The following KYAT1 variants were observed in gnomAD, a reference collection of about 807,000 sequenced individuals.
The protein encoded by KYAT1 is kynurenine--oxoglutarate transaminase 1.
A neutral mutation model predicts 52.4 loss-of-function variants in KYAT1; 47 were observed. That is an observed-to-expected ratio of 0.90 (90% CI 0.71 to 1.14). The LOEUF (loss-of-function observed/expected upper bound fraction) is 1.14, where lower values mean the gene tolerates loss of function less well. KYAT1 is among the 50% of genes most tolerant of loss of function. The pLI, the probability that KYAT1 is intolerant of heterozygous loss-of-function variation, is 0.00. For synonymous variants in KYAT1, 212 were observed against 209.6 expected, an observed-to-expected ratio of 1.01 and a Z score of -0.10; for missense variants, 480 against 557.9, an observed-to-expected ratio of 0.86 and a Z score of 1.41.
In KYAT1 at chr9:128,833,946, C is replaced by G. The variant is rs564296926; in HGVS notation, c.1123-120G>C. 1.4e-4 allele frequency: 97 copies of G among 709,258 alleles called. 1 individual carries two copies. In the South Asian group the frequency reaches 1.5e-3, roughly 11 times the overall value. 43.9% of individuals were successfully genotyped at this position (709,258 alleles called of 1,614,324 possible). A position where few individuals can be genotyped will look rare whatever the true frequency, so the allele number is the denominator to read the frequency against. On this transcript the variant is annotated intron_variant, in intron 11 of 12. Transcript: ENST00000302586. ...AAGGAGAGTTAGCTCCAATCCAGCA[C>G]CTAGAGCTGCATCAAAGTCAGAGGA...
At chr9:128,864,522 C>G (rs987057935) in intron 1 of KYAT1, among the ~76,000 whole-genome samples, 1 of 152,068 alleles carries the variant, frequency 6.6e-6, no homozygotes, top group Admixed American at 6.6e-5. Flanking sequence ...ACAATTACAT[C>G]CCTTTACCCT....
intron 1 of KYAT1, among the ~76,000 whole-genome samples, chr9:128,848,876 C>A (rs538039054): frequency 6.7e-6 from 1 of 149,508 alleles, no homozygotes; most frequent in African/African-American, 2.5e-5. Flanking sequence ...GCCTGTAACA[C>A]GAACACTTTG....
chr9:128,833,567 A>G lies in KYAT1; in HGVS notation c.*17T>C, dbSNP rs149117865. ...GCGGGCATGTGGGGATGTCAGGGCCAAGGCGTGACTTCAGGGCTAGAGTTC... is the reference window on the plus strand; with the variant it reads ...GCGGGCATGTGGGGATGTCAGGGCCGAGGCGTGACTTCAGGGCTAGAGTTC... On this transcript the variant is annotated 3_prime_UTR_variant, in exon 13 of 13. Coordinates refer to ENST00000302586, the MANE Select transcript of KYAT1 (RefSeq NM_004059.5). 4,703 of 1,613,304 alleles carry G rather than the reference A, an allele frequency of 2.9e-3. 83 individuals are homozygous for G. In the East Asian group the frequency reaches 0.05, roughly 17 times the overall value.
chr9:128,853,348 C>T (rs1018150318), intron 1 of KYAT1, among the ~76,000 whole-genome samples: 1 of 152,152 alleles, frequency 6.6e-6, no homozygotes, highest in African/African-American at 2.4e-5. Flanking sequence ...ACTGATTGTT[C>T]CAGCAATGGA....
intron 1 of KYAT1, among the ~76,000 whole-genome samples, chr9:128,873,030 C>T (rs1246418395): frequency 1.4e-5 from 2 of 143,408 alleles, no homozygotes; most frequent in South Asian, 2.2e-4. Context: ...GAGCCAGGAT[C>T]GCACTACTGC....
chr9:128,838,857 C>G (rs892879047), intron 3 of KYAT1, among the ~76,000 whole-genome samples: 2 of 152,236 alleles, frequency 1.3e-5, no homozygotes, highest in Non-Finnish European at 1.5e-5. Context: ...GCAGTAGAAA[C>G]TCCCCACTTT....
chr9:128,864,146 A>G (rs1488814912), intron 1 of KYAT1, among the ~76,000 whole-genome samples: 1 of 151,990 alleles, frequency 6.6e-6, no homozygotes, highest in Non-Finnish European at 1.5e-5. Context: ...GTGGATCACA[A>G]TGTCAGGAGA....
chr9:128,872,337 G>A (rs960444821), intron 1 of KYAT1, among the ~76,000 whole-genome samples: 3 of 151,770 alleles, frequency 2.0e-5, no homozygotes, highest in African/African-American at 4.8e-5. Flanking sequence ...CCAGCTACTC[G>A]GGAGGCTGAG....
At chr9:128,835,146 A>C (rs1253566674) in intron 11 of KYAT1, 177 bp downstream of exon 11, 2 of 638,044 alleles carry the variant, frequency 3.1e-6, no homozygotes, top group Non-Finnish European at 5.5e-6. Context: ...ACCAAAAAAA[A>C]AAAAGAAAGA....
At chr9:128,863,755 C>G (rs1053388390) in intron 1 of KYAT1, among the ~76,000 whole-genome samples, 34 of 152,280 alleles carry the variant, frequency 2.2e-4, no homozygotes, top group Admixed American at 2.2e-3. Context: ...GCAGGGGGCG[C>G]AAGGAGCCAG....
intron 3 of KYAT1, among the ~76,000 whole-genome samples, chr9:128,839,887 A>T (rs1831836852): frequency 6.6e-6 from 1 of 151,744 alleles, no homozygotes; most frequent in Admixed American, 6.6e-5. Context: ...CTCTGTCTCT[A>T]CTGATGGAAA....
At chr9:128,870,609 T>A (rs979113144) in intron 1 of KYAT1, among the ~76,000 whole-genome samples, 1 of 151,882 alleles carries the variant, frequency 6.6e-6, no homozygotes, top group African/African-American at 2.4e-5. Context: ...TGCACTCCAG[T>A]CTGGACAACA....
chr9:128,845,265 G>A (rs576702667), intron 2 of KYAT1, 88 bp downstream of exon 2: 2 of 1,008,438 alleles, frequency 2.0e-6, no homozygotes, highest in East Asian at 2.4e-5. Flanking sequence ...GCCACCATCT[G>A]GAGTACTACT....
At chr9:128,850,395 A>G (rs560251868) in intron 1 of KYAT1, among the ~76,000 whole-genome samples, 8 of 152,340 alleles carry the variant, frequency 5.3e-5, no homozygotes, top group African/African-American at 1.9e-4. Context: ...TTGAGCTCAC[A>G]AAAACATGTG....
intron 1 of KYAT1, among the ~76,000 whole-genome samples, chr9:128,859,731 C>T (rs1329429626): frequency 6.6e-6 from 1 of 151,790 alleles, no homozygotes; most frequent in African/African-American, 2.4e-5. Context: ...TCACTGCAAG[C>T]TCTGCCTCCC....
At chr9:128,837,003 CA>C in intron 6 of KYAT1, 81 bp from the exon 7 acceptor site, 1 of 1,538,056 alleles carries the variant, frequency 6.5e-7, no homozygotes, top group Non-Finnish European at 8.7e-7. Context: ...GGTTAAAGAA[CA>C]CAGCTGCGGC....
chr9:128,877,007 T>TC (rs1295861412), intron 1 of KYAT1, among the ~76,000 whole-genome samples: 2 of 152,108 alleles, frequency 1.3e-5, no homozygotes. Flanking sequence ...CAAGTGATTC[T>TC]CCCACCTCAG....
intron 1 of KYAT1, among the ~76,000 whole-genome samples, chr9:128,857,664 G>A (rs1039282978): frequency 3.9e-5 from 6 of 152,056 alleles, no homozygotes; most frequent in Non-Finnish European, 7.4e-5. Flanking sequence ...GTGAAACCCC[G>A]TCTCTACTAA....
intron 1 of KYAT1, among the ~76,000 whole-genome samples, chr9:128,863,331 AAAT>A (rs1236660193): frequency 1.4e-4 from 21 of 152,126 alleles, no homozygotes; most frequent in East Asian, 1.2e-3. Context: ...TGCATGAAAT[AAAT>A]AATAATAATT....
Sources: allele counts gnomAD v4.1 joint callset (sites outside exome capture counted in the v4.1 genomes callset), GRCh38; gene constraint gnomAD v4.1.1; transcripts MANE v1.5; gene names NCBI Gene and HGNC (gene_info 2026-07-23, HGNC 2026-07-21).